DLGAP2: variants seen among roughly 807,000 people sequenced by gnomAD.
DLGAP2 encodes the protein disks large-associated protein 2.
DLGAP2 carries 26 observed loss-of-function variants against 100.3 expected under a neutral mutation model. That is an observed-to-expected ratio of 0.26 (90% CI 0.19 to 0.36). DLGAP2 has a LOEUF of 0.36. Among genes scored for constraint, DLGAP2 ranks in the 10% least tolerant of loss-of-function variants. The pLI is 1.00. For missense variants in DLGAP2, 1,858 were observed against 1,453.2 expected (o/e 1.28, Z -4.53); for synonymous variants, 886 against 630.1 (o/e 1.41, Z -6.08).
Position 999,204 on chromosome 8 carries a change from T to C in DLGAP2, c.73+91238T>C, listed in dbSNP as rs78829473. The stretch of plus-strand genomic sequence containing the variant: ...GTCCCCTCCTCACGCCAGAGATACT[T>C]TCTCCTCCCGTGTCGGTGGAGCTGT... On this transcript the variant is annotated intron_variant, in intron 2 of 14. Transcript: ENST00000637795. Among the ~76,000 whole-genome samples, 1,445 of 152,040 alleles carry C rather than the reference T, an allele frequency of 9.5e-3. 147 individuals are homozygous for C. The East Asian group carries it at 0.24, about 25-fold the overall frequency.
At chr8:907,059 GA>G in intron 1 of DLGAP2, among the ~76,000 whole-genome samples, 1 of 152,290 alleles carries the variant, frequency 6.6e-6, no homozygotes, top group African/African-American at 2.4e-5. Flanking sequence ...CAGCCAGACT[GA>G]AAGTCGATCG....
At chr8:1,307,858 T>C (rs1800525945) in intron 3 of DLGAP2, among the ~76,000 whole-genome samples, 1 of 152,154 alleles carries the variant, frequency 6.6e-6, no homozygotes, top group South Asian at 2.1e-4. Flanking sequence ...TGCCGGGGAC[T>C]GGGCGCTGGA....
intron 2 of DLGAP2, among the ~76,000 whole-genome samples, chr8:940,067 G>A (rs1205032936): frequency 1.3e-5 from 2 of 152,086 alleles, no homozygotes; most frequent in Admixed American, 1.3e-4. Context: ...ATGGAGTGCA[G>A]TAGGGTGCTT....
chr8:1,095,333 C>G (rs771762898), intron 2 of DLGAP2, among the ~76,000 whole-genome samples: 6 of 152,334 alleles, frequency 3.9e-5, no homozygotes, highest in Middle Eastern at 6.8e-3. Context: ...ACCACCTGCC[C>G]TCTGCAGACC....
chr8:794,965 C>T (rs1795993944), intron 1 of DLGAP2, among the ~76,000 whole-genome samples: 1 of 152,130 alleles, frequency 6.6e-6, no homozygotes, highest in Non-Finnish European at 1.5e-5. Context: ...GTCCATCCCT[C>T]CAGGTGACCT....
chr8:1,155,687 C>A (rs942073664), intron 2 of DLGAP2, among the ~76,000 whole-genome samples: 4 of 152,140 alleles, frequency 2.6e-5, no homozygotes, highest in Non-Finnish European at 5.9e-5. Flanking sequence ...GGCCCCCAGG[C>A]CCCTCCGAGG....
intron 6 of DLGAP2, among the ~76,000 whole-genome samples, chr8:1,596,403 G>A (rs1264644192): frequency 1.3e-5 from 2 of 152,166 alleles, no homozygotes; most frequent in East Asian, 3.9e-4. Context: ...TGGGATTGCT[G>A]GGTCAAATTG....
chr8:1,426,491 G>A (rs1797239629), intron 3 of DLGAP2, among the ~76,000 whole-genome samples: 2 of 152,288 alleles, frequency 1.3e-5, no homozygotes, highest in South Asian at 2.1e-4. Context: ...CCCAGAGGTC[G>A]ACAGAAAAGT....
At chr8:1,253,524 C>G (rs116884454) in intron 2 of DLGAP2, among the ~76,000 whole-genome samples, 5 of 152,368 alleles carry the variant, frequency 3.3e-5, no homozygotes, top group Non-Finnish European at 7.3e-5. Context: ...TGAATTTACA[C>G]AGGAGATGCT....
intron 7 of DLGAP2, among the ~76,000 whole-genome samples, chr8:1,629,368 C>T (rs568628107): frequency 2.6e-5 from 4 of 152,174 alleles, no homozygotes; most frequent in African/African-American, 4.8e-5. Context: ...CGTCCCTAGC[C>T]CTGCGCTCAA....
At chr8:1,276,409 G>A (rs1467110244) in intron 3 of DLGAP2, among the ~76,000 whole-genome samples, 1 of 152,094 alleles carries the variant, frequency 6.6e-6, no homozygotes, top group Non-Finnish European at 1.5e-5. Context: ...GCCGCACGTT[G>A]GGAAACCCAC....
intron 3 of DLGAP2, among the ~76,000 whole-genome samples, chr8:1,423,804 T>A (rs987310416): frequency 1.6e-4 from 24 of 152,144 alleles, no homozygotes; most frequent in Admixed American, 1.6e-3. Flanking sequence ...AAGCTTCTAG[T>A]TGTTACAGGA....
chr8:1,538,274 T>A (rs1043002952), intron 4 of DLGAP2, among the ~76,000 whole-genome samples: 2 of 152,218 alleles, frequency 1.3e-5, no homozygotes, highest in African/African-American at 4.8e-5. Context: ...AAAATCTCTA[T>A]AGTGTGTTCA....
intron 10 of DLGAP2, among the ~76,000 whole-genome samples, chr8:1,675,285 G>A (rs74633613): frequency 0.049 from 7,489 of 152,274 alleles, 731 homozygotes; most frequent in East Asian, 0.41. Context: ...GAGAGATCCC[G>A]GCAAGAGCCC....
At chr8:1,609,875 C>A (rs1203430758) in intron 6 of DLGAP2, among the ~76,000 whole-genome samples, 33 of 149,750 alleles carry the variant, frequency 2.2e-4, no homozygotes, top group African/African-American at 7.1e-4. Context: ...CGGGAGCACC[C>A]AGATTCATAA....
chr8:1,683,814 T>G (rs1799022737), intron 12 of DLGAP2, among the ~76,000 whole-genome samples: 1 of 122,502 alleles, frequency 8.2e-6, no homozygotes, highest in Admixed American at 8.0e-5. Flanking sequence ...ATGATCCTGA[T>G]TTTCCTTGTC....
chr8:1,615,536 T>C (rs974815706), intron 6 of DLGAP2, among the ~76,000 whole-genome samples: 9 of 152,020 alleles, frequency 5.9e-5, no homozygotes, highest in Admixed American at 6.6e-5. Flanking sequence ...ATGAATGATA[T>C]AAAAATGTTA....
rs770415974 is a variant in DLGAP2 at position 1,678,217 on chromosome 8, C to T, written c.2292C>T (p.His764=). Residue 764 remains histidine (H), a synonymous_variant, in exon 12 of 15, where the codon CAC becomes CAT. Coordinates refer to ENST00000637795, the MANE Select transcript of DLGAP2 (RefSeq NM_001346810.2). ...VGVQVEDEKR[H]GRFKRSNSVT... The stretch of plus-strand genomic sequence containing the variant: ...TCTTCCTTCCCTCCTTTTGCAGACA[C>T]GGACGTTTTAAACGTTCTAACAGCG... 96 of 1,607,294 alleles carry T rather than the reference C, an allele frequency of 6.0e-5. 1 individual carries two copies. In the Admixed American group the frequency reaches 1.1e-3, roughly 19 times the overall value.
chr8:1,045,327 C>G (rs975802978), intron 2 of DLGAP2, among the ~76,000 whole-genome samples: 1 of 152,160 alleles, frequency 6.6e-6, no homozygotes, highest in Non-Finnish European at 1.5e-5. Flanking sequence ...CAGTGCCCAG[C>G]GTATACTCAA....
Sources: allele counts gnomAD v4.1 joint callset (sites outside exome capture counted in the v4.1 genomes callset), GRCh38; gene constraint gnomAD v4.1.1; transcripts MANE v1.5; gene names NCBI Gene and HGNC (gene_info 2026-07-23, HGNC 2026-07-21).